Variants in DENND1A observed in about 807,000 individuals in gnomAD.
The protein encoded by DENND1A is DENN domain-containing protein 1A.
DENND1A carries 51 observed loss-of-function variants against 113.7 expected under a neutral mutation model. That is an observed-to-expected ratio of 0.45 (90% CI 0.36 to 0.57). DENND1A has a LOEUF of 0.57. Among genes scored for constraint, DENND1A ranks in the 20% least tolerant of loss-of-function variants. DENND1A has a pLI of 0.00. For missense variants in DENND1A, 1,258 were observed against 1,395.9 expected (o/e 0.90, Z 1.57); for synonymous variants, 565 against 570.8 (o/e 0.99, Z 0.14).
intron 13 of DENND1A, among the ~76,000 whole-genome samples, chr9:123,497,080 A>G (rs1244986040): frequency 6.6e-6 from 1 of 152,182 alleles, no homozygotes; most frequent in Non-Finnish European, 1.5e-5. Flanking sequence ...ACATGAACCC[A>G]GGCATCCCTG....
Position 123,474,875 on chromosome 9 carries a change from G to A in DENND1A, c.994-16978C>T, listed in dbSNP as rs79606709. ...GAGGAAGAGGACAGTGAAAAGCATGGGTTCAGCCAGCCTAGGTTAGAATCT... is the reference window on the plus strand; with the variant it reads ...GAGGAAGAGGACAGTGAAAAGCATGAGTTCAGCCAGCCTAGGTTAGAATCT... On this transcript the variant is annotated intron_variant, in intron 13 of 23. Transcript: ENST00000394215. Among the ~76,000 whole-genome samples, 8 of 152,178 alleles carry A rather than the reference G, an allele frequency of 5.3e-5. No homozygotes were observed. In the East Asian group the frequency reaches 1.5e-3, roughly 29 times the overall value.
chr9:123,564,200 T>C (rs1412959947), intron 12 of DENND1A, among the ~76,000 whole-genome samples: 1 of 152,258 alleles, frequency 6.6e-6, no homozygotes, highest in African/African-American at 2.4e-5. Flanking sequence ...CCCAGGAGAA[T>C]GAAAATACCC....
At chr9:123,540,509 A>C (rs1206872623) in intron 13 of DENND1A, among the ~76,000 whole-genome samples, 1 of 152,218 alleles carries the variant, frequency 6.6e-6, no homozygotes, top group African/African-American at 2.4e-5. Context: ...ACAGGTATTA[A>C]GATGACATAA....
intron 10 of DENND1A, among the ~76,000 whole-genome samples, chr9:123,621,104 A>G (rs1167543446): frequency 6.6e-6 from 1 of 152,086 alleles, no homozygotes; most frequent in Non-Finnish European, 1.5e-5. Context: ...TTTGGCCACA[A>G]CTATCCATCT....
At chr9:123,749,515 T>A (rs1379714082) in intron 5 of DENND1A, among the ~76,000 whole-genome samples, 1 of 152,162 alleles carries the variant, frequency 6.6e-6, no homozygotes, top group Non-Finnish European at 1.5e-5. Flanking sequence ...TCAGTCTCAA[T>A]CCCTTTATCT....
chr9:123,746,561 C>A (rs1336078482), intron 5 of DENND1A, among the ~76,000 whole-genome samples: 1 of 151,994 alleles, frequency 6.6e-6, no homozygotes, highest in Non-Finnish European at 1.5e-5. Context: ...ATTTGGAAAT[C>A]CAAAATGCTC....
At chr9:123,627,758 AGAGAGAGAGAGCGAGCGAGT>A (rs1406545253) in intron 10 of DENND1A, among the ~76,000 whole-genome samples, 30 of 142,926 alleles carry the variant, frequency 2.1e-4, no homozygotes, top group South Asian at 1.5e-3. Flanking sequence ...AAAAAAAAAA[AGAGAGAGAGAGCGAGCGAGT>A]GAGAGAGAGA....
At chr9:123,427,714 T>C (rs2045848617) in intron 19 of DENND1A, among the ~76,000 whole-genome samples, 1 of 152,226 alleles carries the variant, frequency 6.6e-6, no homozygotes, top group South Asian at 2.1e-4. Context: ...CTTCTTTTGA[T>C]AATGGCCCCA....
At chr9:123,419,103 G>A (rs991591346) in intron 19 of DENND1A, among the ~76,000 whole-genome samples, 3 of 152,264 alleles carry the variant, frequency 2.0e-5, no homozygotes, top group African/African-American at 7.2e-5. Context: ...CCGAGGAGCG[G>A]TATAGGTGAG....
intron 2 of DENND1A, among the ~76,000 whole-genome samples, chr9:123,859,246 G>A (rs1324908060): frequency 2.0e-5 from 3 of 152,058 alleles, no homozygotes; most frequent in South Asian, 4.1e-4. Flanking sequence ...CAGTTCTGAT[G>A]TCCTTTTAGT....
chr9:123,635,978 T>G (rs991938816), intron 9 of DENND1A, among the ~76,000 whole-genome samples: 1 of 152,214 alleles, frequency 6.6e-6, no homozygotes, highest in Admixed American at 6.5e-5. Flanking sequence ...CTTTGACAAC[T>G]CACAATTCTA....
chr9:123,380,560 G>C lies in DENND1A; in HGVS notation c.*872C>G, dbSNP rs1002055693. ...CTTGACCTTTTTGGGTTGAAATCTG[G>C]GTTGCAGCTTCTCAGCTTTGCCCAC... On this transcript the variant is annotated 3_prime_UTR_variant, in exon 24 of 24. Transcript: ENST00000394215. 2.0e-5 allele frequency: 3 copies of C among 152,376 alleles called. No individual in the cohort carries two copies. The highest frequency in any genetic ancestry group is 7.2e-5 in the African/African-American group (3 of 41,440). The allele number at this position is 152,376 out of a possible 1,614,324, so 9.4% of individuals were successfully genotyped here.
At chr9:123,623,030 G>A (rs1234043456) in intron 10 of DENND1A, among the ~76,000 whole-genome samples, 1 of 152,034 alleles carries the variant, frequency 6.6e-6, no homozygotes, top group East Asian at 1.9e-4. Context: ...CATAAGGCCT[G>A]GAAATGTCTT....
chr9:123,632,459 G>A (rs2061517991), intron 9 of DENND1A, among the ~76,000 whole-genome samples: 1 of 152,218 alleles, frequency 6.6e-6, no homozygotes, highest in Non-Finnish European at 1.5e-5. Flanking sequence ...CCTTGCTGGT[G>A]TTGAGTGAGT....
At chr9:123,492,663 T>TA (rs2051478964) in intron 13 of DENND1A, 1 of 152,154 alleles carries the variant, frequency 6.6e-6, no homozygotes, top group Non-Finnish European at 1.5e-5. Context: ...TTCATTTTAG[T>TA]AAAAACGAAG....
chr9:123,872,928 AG>A (rs1215203536), intron 2 of DENND1A, among the ~76,000 whole-genome samples: 1 of 152,188 alleles, frequency 6.6e-6, no homozygotes, highest in Non-Finnish European at 1.5e-5. Context: ...TAATCCCTCT[AG>A]GGGGATGCAA....
intron 13 of DENND1A, among the ~76,000 whole-genome samples, chr9:123,497,307 G>C (rs945979131): frequency 1.3e-5 from 2 of 152,136 alleles, no homozygotes; most frequent in African/African-American, 4.8e-5. Flanking sequence ...CAATTGTAAG[G>C]CTCTTTTATT....
intron 13 of DENND1A, among the ~76,000 whole-genome samples, chr9:123,527,293 AC>A (rs112878447): frequency 0.011 from 1,645 of 152,132 alleles, 31 homozygotes; most frequent in African/African-American, 0.038. Flanking sequence ...TTCTCTTTTC[AC>A]ACTACTACCA....
chr9:123,443,261 A>G (rs559496915), intron 18 of DENND1A, among the ~76,000 whole-genome samples: 8 of 152,326 alleles, frequency 5.3e-5, no homozygotes, highest in African/African-American at 1.7e-4. Context: ...AAGTGCTCAG[A>G]TGTAATCTTC....
Sources: allele counts gnomAD v4.1 joint callset (sites outside exome capture counted in the v4.1 genomes callset), GRCh38; gene constraint gnomAD v4.1.1; transcripts MANE v1.5; gene names NCBI Gene and HGNC (gene_info 2026-07-23, HGNC 2026-07-21).